PTPRN2: variants seen among roughly 807,000 people sequenced by gnomAD.
The protein encoded by PTPRN2 is receptor-type tyrosine-protein phosphatase N2.
PTPRN2 carries 74 observed loss-of-function variants against 118.8 expected under a neutral mutation model. That is an observed-to-expected ratio of 0.62 (90% confidence interval 0.52 to 0.76). The LOEUF (loss-of-function observed/expected upper bound fraction) is 0.76. Among genes scored for constraint, PTPRN2 ranks in the 30% least tolerant of loss-of-function variants. The pLI, the probability that PTPRN2 is intolerant of heterozygous loss-of-function variation, is 0.00. For synonymous variants in PTPRN2, 641 were observed against 608.0 expected, an observed-to-expected ratio of 1.05 and a Z score of -0.80; for missense variants, 1,481 against 1,394.4, an observed-to-expected ratio of 1.06 and a Z score of -0.99.
chr7:158,368,923 T>C (rs953086660), intron 2 of PTPRN2, among the ~76,000 whole-genome samples: 1 of 152,170 alleles, frequency 6.6e-6, no homozygotes, highest in Non-Finnish European at 1.5e-5. Context: ...ATGGAAAGTA[T>C]TGATCCTGGG....
chr7:158,336,381 G>A (rs1358105339), intron 2 of PTPRN2, among the ~76,000 whole-genome samples: 1 of 130,390 alleles, frequency 7.7e-6, no homozygotes, highest in Non-Finnish European at 1.6e-5. Context: ...GCTGACACAT[G>A]CAGACGTCAC....
chr7:157,796,196 C>T lies in PTPRN2; in HGVS notation c.1788+102477G>A, dbSNP rs144313980. On this transcript the variant is annotated intron_variant, in intron 12 of 22. Coordinates refer to ENST00000389418, the MANE Select transcript of PTPRN2 (RefSeq NM_002847.5). ...ATGCCCAGGCACAGGCATGAAAGAT[C>T]GGCCTTGAGGTTATTTTGTCTCTGC... is the stretch of plus-strand genomic sequence containing the variant. 4.6e-5 allele frequency among the ~76,000 whole-genome samples: 7 copies of T among 152,372 alleles called. No individual in the cohort carries two copies. The Middle Eastern group carries it at 0.01, about 222-fold the overall frequency.
intron 11 of PTPRN2, among the ~76,000 whole-genome samples, chr7:157,984,319 C>T (rs1442025458): frequency 1.4e-5 from 2 of 138,338 alleles, no homozygotes; most frequent in African/African-American, 5.6e-5. Context: ...CCCCATCCCA[C>T]GCCAGGCTCC....
At chr7:157,739,272 C>G (rs552523553) in intron 12 of PTPRN2, 2 of 152,382 alleles carry the variant, frequency 1.3e-5, no homozygotes, top group Non-Finnish European at 2.9e-5. Context: ...ACCCACATAA[C>G]AGCAGCTGGA....
At position 157,779,460 on chromosome 7, in the gene PTPRN2, C is replaced by T. The variant is rs1478273427; in HGVS notation, c.1789-96523G>A. On this transcript the variant is annotated intron_variant, in intron 12 of 22. Transcript: ENST00000389418. The surrounding 1 kb of genome is among the most constrained non-coding windows in gnomAD (Gnocchi z 4.7). Reference sequence around the variant, plus strand: ...ACCCGCTGCCCCTCACCACACACTGCTGCACTGTGCTCCACATCCTGACAG... The same window carrying T: ...ACCCGCTGCCCCTCACCACACACTGTTGCACTGTGCTCCACATCCTGACAG... Among the ~76,000 whole-genome samples, 1 of 152,212 alleles carries T rather than the reference C, an allele frequency of 6.6e-6. No homozygotes were observed. The highest frequency in any genetic ancestry group is 1.5e-5 in the Non-Finnish European group (1 of 68,036).
intron 12 of PTPRN2, among the ~76,000 whole-genome samples, chr7:157,748,359 C>A (rs1405171602): frequency 7.5e-5 from 11 of 146,448 alleles, no homozygotes; most frequent in Non-Finnish European, 1.5e-4. Context: ...GGCCTGCGTC[C>A]CTGAGCTGTG....
In PTPRN2 at chr7:157,794,301, T is replaced by C. The variant is rs1804725999; in HGVS notation, c.1788+104372A>G. Among the ~76,000 whole-genome samples the C allele has an allele frequency of 6.7e-6, 1 of 149,738 alleles. No homozygotes were observed. The highest frequency in any genetic ancestry group is 2.5e-5 in the African/African-American group (1 of 40,592). ...GACCCGGGCTCACACCTCCCCTCGT[T>C]CTCTGCTCTGACCCGGGCTCACACC... is the stretch of plus-strand genomic sequence containing the variant. On this transcript the variant is annotated intron_variant, in intron 12 of 22. Transcript: ENST00000389418. The surrounding 1 kb of genome is among the most constrained non-coding windows in gnomAD (Gnocchi z 5.2).
At chr7:157,633,525 T>C (rs1171831229) in intron 14 of PTPRN2, among the ~76,000 whole-genome samples, 1 of 152,142 alleles carries the variant, frequency 6.6e-6, no homozygotes, top group East Asian at 1.9e-4. Flanking sequence ...CAACAGTGAG[T>C]AGTAAGAAGA....
chr7:158,399,252 G>A (rs576958206), intron 2 of PTPRN2, among the ~76,000 whole-genome samples: 2 of 152,350 alleles, frequency 1.3e-5, no homozygotes, highest in Admixed American at 6.5e-5. Context: ...GTGTCACCTG[G>A]TGAATTGTTG....
At chr7:157,896,277 C>T (rs1797109542) in intron 12 of PTPRN2, among the ~76,000 whole-genome samples, 1 of 152,072 alleles carries the variant, frequency 6.6e-6, no homozygotes, top group South Asian at 2.1e-4. Flanking sequence ...ACCCAGATCC[C>T]CTGATCCAAG....
chr7:158,470,639 T>C (rs1733139), intron 2 of PTPRN2, among the ~76,000 whole-genome samples: 102,394 of 151,700 alleles, frequency 0.67, 34,933 homozygotes, highest in Admixed American at 0.77. Flanking sequence ...TGTTGTACCC[T>C]TTCCGCCTTC....
intron 2 of PTPRN2, among the ~76,000 whole-genome samples, chr7:158,369,213 T>C (rs12111929): frequency 0.78 from 117,485 of 150,890 alleles, 46,220 homozygotes; most frequent in East Asian, 0.84. Context: ...TGTGGGACCT[T>C]GTGATCATGT....
intron 1 of PTPRN2, among the ~76,000 whole-genome samples, chr7:158,582,997 G>C (rs1441103090): frequency 6.6e-6 from 1 of 152,086 alleles, no homozygotes; most frequent in Non-Finnish European, 1.5e-5. Context: ...CACCCGCAAA[G>C]CCAGTTGCAT....
At chr7:157,646,406 C>T (rs757150966) in intron 14 of PTPRN2, among the ~76,000 whole-genome samples, 19 of 152,168 alleles carry the variant, frequency 1.2e-4, no homozygotes, top group African/African-American at 1.9e-4. Flanking sequence ...CTTTGCCTTC[C>T]GCCATGACTG....
intron 6 of PTPRN2, among the ~76,000 whole-genome samples, chr7:158,155,647 C>A (rs943160672): frequency 2.6e-5 from 2 of 76,902 alleles, no homozygotes; most frequent in Non-Finnish European, 5.5e-5. Context: ...CCACCGTCAT[C>A]ATTGCCATCA....
At chr7:158,463,235 G>A (rs1053155340) in intron 2 of PTPRN2, among the ~76,000 whole-genome samples, 3 of 152,132 alleles carry the variant, frequency 2.0e-5, no homozygotes, top group Non-Finnish European at 2.9e-5. Flanking sequence ...AAGGGCAGGT[G>A]AGCCCATCAT....
chr7:157,792,171 C>T (rs1161286768), intron 12 of PTPRN2, among the ~76,000 whole-genome samples: 2 of 152,238 alleles, frequency 1.3e-5, no homozygotes, highest in African/African-American at 2.4e-5. Flanking sequence ...CTTGAGCTGC[C>T]TCATGGGGTG....
intron 1 of PTPRN2, chr7:158,541,297 G>A (rs1825970579): frequency 6.0e-6 from 3 of 497,960 alleles, no homozygotes; most frequent in Non-Finnish European, 9.6e-6. Flanking sequence ...CTGTCACTCA[G>A]AACTCTGGGC....
At chr7:157,731,508 A>G (rs1799906163) in intron 12 of PTPRN2, among the ~76,000 whole-genome samples, 1 of 150,896 alleles carries the variant, frequency 6.6e-6, no homozygotes, top group African/African-American at 2.5e-5. Flanking sequence ...TGCGCCCAGC[A>G]CAGTTACCCT....
Sources: gnomAD v4.1 joint callset for allele counts (sites outside exome capture counted in the v4.1 genomes callset) on GRCh38, gnomAD v4.1.1 for gene constraint, Gnocchi (gnomAD v3.1) non-coding constraint, MANE v1.5 for transcripts, NCBI Gene and HGNC (gene_info 2026-07-23, HGNC 2026-07-21) for gene names.